The following NPAS2 variants were observed in gnomAD, a reference collection of about 807,000 sequenced individuals.
The protein encoded by NPAS2 is neuronal PAS domain-containing protein 2.
A neutral mutation model predicts 107.5 loss-of-function variants in NPAS2; 23 were observed. The ratio of observed to expected loss-of-function variants is 0.21; its 90% CI spans 0.15 to 0.30. NPAS2 has a LOEUF of 0.30. Ranked by LOEUF, NPAS2 falls within the 10% of genes least tolerant of loss-of-function variation. The probability of loss-of-function intolerance (pLI) is 1.00; values close to 1 mark genes in which losing one functional copy is unlikely to be tolerated. For synonymous variants in NPAS2, 403 were observed against 417.5 expected (o/e 0.97, Z 0.42); for missense variants, 756 against 1,043.3 (o/e 0.72, Z 3.79).
chr2:100,907,278 T>A (rs1430020644), intron 2 of NPAS2, among the ~76,000 whole-genome samples: 1 of 152,144 alleles, frequency 6.6e-6, no homozygotes, highest in Non-Finnish European at 1.5e-5. Flanking sequence ...GTATGCAGTT[T>A]CTTTTCATTC....
chr2:100,949,812 G>T (rs931421628), intron 7 of NPAS2, among the ~76,000 whole-genome samples: 3 of 152,156 alleles, frequency 2.0e-5, no homozygotes, highest in Non-Finnish European at 4.4e-5. Context: ...ACAGGCCTTC[G>T]TGGTGACTTG....
At chr2:100,952,852 GTT>G (rs34286637) in intron 7 of NPAS2, among the ~76,000 whole-genome samples, 6 of 133,492 alleles carry the variant, frequency 4.5e-5, no homozygotes, top group Admixed American at 1.5e-4. Flanking sequence ...TATGTGTGAG[GTT>G]TTTTTTTTTT....
intron 1 of NPAS2, among the ~76,000 whole-genome samples, chr2:100,828,603 C>T (rs2104347027): frequency 6.6e-6 from 1 of 152,248 alleles, no homozygotes; most frequent in Non-Finnish European, 1.5e-5. Context: ...CAGTTTCATT[C>T]TTCTGCATAT....
chr2:100,884,350 T>TA (rs796389295), intron 1 of NPAS2, among the ~76,000 whole-genome samples: 115 of 151,748 alleles, frequency 7.6e-4, no homozygotes, highest in African/African-American at 2.6e-3. Flanking sequence ...TTCAGAAGAT[T>TA]AAAAAAAAAT....
intron 5 of NPAS2, among the ~76,000 whole-genome samples, chr2:100,943,461 A>G (rs13430217): frequency 0.021 from 3,177 of 152,192 alleles, 78 homozygotes; most frequent in African/African-American, 0.055. Flanking sequence ...TGTTTTAATT[A>G]CCTCTCATTC....
chr2:100,825,042 T>G (rs1435790345), intron 1 of NPAS2, among the ~76,000 whole-genome samples: 1 of 152,162 alleles, frequency 6.6e-6, no homozygotes, highest in Non-Finnish European at 1.5e-5. Context: ...GGTTGGACCC[T>G]AGGACTCAAT....
intron 15 of NPAS2, 87 bp from the exon 16 acceptor site, chr2:100,982,144 A>G (rs1677482468): frequency 6.7e-7 from 1 of 1,484,188 alleles, no homozygotes; most frequent in African/African-American, 1.4e-5. Flanking sequence ...ACGGAAATGA[A>G]GTGTACAGAC....
intron 1 of NPAS2, among the ~76,000 whole-genome samples, chr2:100,897,830 G>A (rs1038691256): frequency 5.3e-5 from 8 of 152,188 alleles, no homozygotes; most frequent in South Asian, 4.1e-4. Flanking sequence ...TGAGAGTAGC[G>A]GCTTTGCTCA....
At position 100,961,624 on chromosome 2, in the gene NPAS2, G is replaced by T. The variant is rs182627807; in HGVS notation, c.599-2434G>T. 8.6e-3 allele frequency among the ~76,000 whole-genome samples: 1,303 copies of T among 151,536 alleles called. 21 individuals are homozygous for T. The highest frequency in any genetic ancestry group is 7.9e-3 in the Non-Finnish European group (534 of 67,986). On this transcript the variant is annotated intron_variant, in intron 7 of 20. Coordinates refer to ENST00000335681, the MANE Select transcript of NPAS2 (RefSeq NM_002518.4). ...AGGGCAGATAAAACTGCATTATGGG[G>T]GCAGCCAGGCCAACAGTAAGCTCTG...
At chr2:100,908,230 C>A (rs1682293917) in intron 2 of NPAS2, among the ~76,000 whole-genome samples, 1 of 152,090 alleles carries the variant, frequency 6.6e-6, no homozygotes, top group Admixed American at 6.6e-5. Flanking sequence ...CTACTTATTG[C>A]AGAAATTAAA....
intron 7 of NPAS2, among the ~76,000 whole-genome samples, chr2:100,960,272 A>T (rs1051035672): frequency 1.3e-5 from 2 of 152,058 alleles, no homozygotes; most frequent in African/African-American, 2.4e-5. Context: ...GACCATCATG[A>T]TAGCACGAGG....
intron 18 of NPAS2, 47 bp from the exon 19 acceptor site, chr2:100,990,733 T>C: frequency 6.5e-7 from 1 of 1,539,034 alleles, no homozygotes; most frequent in South Asian, 1.1e-5. Context: ...AGTGGGTCTG[T>C]GGTTCAGGTG....
chr2:100,931,763 C>A (rs1047109901), intron 3 of NPAS2, among the ~76,000 whole-genome samples: 2 of 152,030 alleles, frequency 1.3e-5, no homozygotes, highest in South Asian at 2.1e-4. Context: ...GGATTACAGG[C>A]GTGAGCCACC....
At chr2:100,822,599 A>G (rs528272861) in intron 1 of NPAS2, 41 of 152,334 alleles carry the variant, frequency 2.7e-4, no homozygotes, top group African/African-American at 9.4e-4. Flanking sequence ...GCATGCGTAT[A>G]CTTTTTAATT....
At chr2:100,937,697 C>T (rs375386071) in intron 4 of NPAS2, 56 bp from the exon 5 acceptor site, 79 of 1,204,262 alleles carry the variant, frequency 6.6e-5, no homozygotes, top group African/African-American at 1.2e-4. Context: ...GCATCAGTGA[C>T]ATGCTCCTCC....
rs904167308 is a variant in NPAS2, at chr2:100,919,920, C to A, written c.33-5226C>A. Among the ~76,000 whole-genome samples the A allele has an allele frequency of 4.1e-4, 62 of 152,102 alleles. 1 individual carries two copies. Among genetic ancestry groups the A allele is most frequent in the African/African-American group, 1.4e-3 (60 of 41,422 alleles). Reference sequence around the variant, plus strand: ...CTCACCGGGCAGTATTGTATTGCACCCCCTATACCAGCTTCTGAGGAATGA... The same window carrying A: ...CTCACCGGGCAGTATTGTATTGCACACCCTATACCAGCTTCTGAGGAATGA... On this transcript the variant is annotated intron_variant, in intron 2 of 20. Transcript: ENST00000335681.
intron 3 of NPAS2, among the ~76,000 whole-genome samples, chr2:100,928,611 G>A (rs1683735743): frequency 6.6e-6 from 1 of 152,184 alleles, no homozygotes; most frequent in African/African-American, 2.4e-5. Flanking sequence ...TAAACACAAT[G>A]AGGATCATGC....
At chr2:100,822,574 G>A (rs1676139561) in intron 1 of NPAS2, 1 of 152,102 alleles carries the variant, frequency 6.6e-6, no homozygotes, top group Non-Finnish European at 1.5e-5. Context: ...AATTTTTTCA[G>A]AATAAAATAA....
Position 100,904,711 on chromosome 2 carries a change from ATTT to A in NPAS2, c.-22-7_-22-5del, listed in dbSNP as rs57350721. 0.029 allele frequency: 36,462 copies of A among 1,246,452 alleles called. 5 individuals carry two copies. The highest frequency in any genetic ancestry group is 0.043 in the South Asian group (3,076 of 72,100). The allele number at this position is 1,246,452 out of a possible 1,614,324, so 77.2% of individuals were successfully genotyped here. The stretch of plus-strand genomic sequence containing the variant: ...AGACAGTAATTATCCATTCTTTTTA[ATTT>A]TTTTTTTTTTTTTTGCAGGAAAAAC... On this transcript the variant is annotated intron_variant, in intron 1 of 20. Transcript: ENST00000335681.
Sources: gnomAD v4.1 joint callset for allele counts (sites outside exome capture counted in the v4.1 genomes callset) on GRCh38, gnomAD v4.1.1 for gene constraint, MANE v1.5 for transcripts, NCBI Gene and HGNC (gene_info 2026-07-23, HGNC 2026-07-21) for gene names.